The following LRFN5 variants were observed in gnomAD, a reference collection of about 807,000 sequenced individuals.
The protein encoded by LRFN5 is leucine rich repeat and fibronectin type III domain containing 5.
In LRFN5, 24 loss-of-function variants were observed where a neutral mutation model predicts 45.6. The ratio of observed to expected loss-of-function variants is 0.53; its 90% CI spans 0.38 to 0.74. The LOEUF is 0.74. LRFN5 is among the 30% of genes least tolerant of loss of function. LRFN5 has a pLI of 0.00. For missense variants in LRFN5, 776 were observed against 861.5 expected (o/e 0.90, Z 1.24); for synonymous variants, 340 against 313.8 (o/e 1.08, Z -0.88).
intron 1 of LRFN5, among the ~76,000 whole-genome samples, chr14:41,725,539 C>T (rs1381436915): frequency 6.9e-6 from 1 of 144,468 alleles, no homozygotes; most frequent in Non-Finnish European, 1.6e-5. Context: ...AGAAGTCATT[C>T]TTAATTCCAT....
intron 2 of LRFN5, among the ~76,000 whole-genome samples, chr14:41,883,682 T>G (rs1407323342): frequency 6.6e-6 from 1 of 152,240 alleles, no homozygotes; most frequent in African/African-American, 2.4e-5. Flanking sequence ...GCAGTTACTT[T>G]TATTTTGTTT....
At chr14:41,720,960 A>C (rs1020296912) in intron 1 of LRFN5, among the ~76,000 whole-genome samples, 1 of 152,068 alleles carries the variant, frequency 6.6e-6, no homozygotes, top group Non-Finnish European at 1.5e-5. Flanking sequence ...TCAATGGTCT[A>C]TCTAATGTTG....
chr14:41,772,285 A>G (rs925369622), intron 2 of LRFN5, among the ~76,000 whole-genome samples: 2 of 152,222 alleles, frequency 1.3e-5, no homozygotes, highest in African/African-American at 4.8e-5. Flanking sequence ...ACGTTGCAAC[A>G]TAAGTTTTAA....
chr14:41,856,678 T>TTATTTTTTA (rs1566486504), intron 2 of LRFN5, among the ~76,000 whole-genome samples: 1 of 3,754 alleles, frequency 2.7e-4, no homozygotes, highest in East Asian at 0.014. Flanking sequence ...TATTATTATT[T>TTATTTTTTA]TTTTTTTTTT....
At chr14:41,707,477 T>C (rs973558740) in intron 1 of LRFN5, among the ~76,000 whole-genome samples, 2 of 152,194 alleles carry the variant, frequency 1.3e-5, no homozygotes, top group Non-Finnish European at 2.9e-5. Flanking sequence ...TGAAAGGATT[T>C]AAATTAGATT....
At chr14:41,895,997 C>G (rs1403999946) in intron 4 of LRFN5, among the ~76,000 whole-genome samples, 1 of 152,008 alleles carries the variant, frequency 6.6e-6, no homozygotes, top group Non-Finnish European at 1.5e-5. Context: ...ATTTAAACTA[C>G]TTGCATCCAA....
chr14:41,741,189 T>A (rs1178061414), intron 1 of LRFN5, among the ~76,000 whole-genome samples: 1 of 151,378 alleles, frequency 6.6e-6, no homozygotes, highest in East Asian at 1.9e-4. Context: ...AGAATTCCAA[T>A]TTGTTTTTCA....
intron 1 of LRFN5, among the ~76,000 whole-genome samples, chr14:41,760,531 G>A (rs913313446): frequency 2.6e-5 from 4 of 152,174 alleles, no homozygotes; most frequent in African/African-American, 9.7e-5. Flanking sequence ...GAATCAGAAC[G>A]CTAAAGAGAG....
At chr14:41,649,753 G>A (rs1190359560) in intron 1 of LRFN5, among the ~76,000 whole-genome samples, 1 of 152,034 alleles carries the variant, frequency 6.6e-6, no homozygotes, top group African/African-American at 2.4e-5. Context: ...CCTTACCCCT[G>A]ACGTTTCCTC....
At chr14:41,656,742 A>G (rs1880399374) in intron 1 of LRFN5, among the ~76,000 whole-genome samples, 1 of 151,888 alleles carries the variant, frequency 6.6e-6, no homozygotes, top group South Asian at 2.1e-4. Context: ...TTTCCTTTAT[A>G]GGGGAGGAAG....
intron 2 of LRFN5, among the ~76,000 whole-genome samples, chr14:41,800,643 T>G (rs1043664900): frequency 4.0e-5 from 6 of 151,816 alleles, no homozygotes; most frequent in African/African-American, 1.2e-4. Flanking sequence ...CTAAAGTCTA[T>G]AATTCCTAAC....
chr14:41,713,667 C>G (rs920050751), intron 1 of LRFN5, among the ~76,000 whole-genome samples: 16 of 151,954 alleles, frequency 1.1e-4, no homozygotes, highest in African/African-American at 3.6e-4. Context: ...AAATTAAGAA[C>G]GAAGTGAGAT....
At chr14:41,698,342 G>A (rs150056771) in intron 1 of LRFN5, among the ~76,000 whole-genome samples, 15 of 152,096 alleles carry the variant, frequency 9.9e-5, no homozygotes, top group African/African-American at 3.4e-4. Context: ...GAAAATTTAG[G>A]CACTGCTCCA....
intron 1 of LRFN5, among the ~76,000 whole-genome samples, chr14:41,753,974 G>A (rs542267418): frequency 2.6e-5 from 4 of 152,108 alleles, no homozygotes; most frequent in Non-Finnish European, 5.9e-5. Flanking sequence ...TTAGCATGAA[G>A]GGCTGTTGAA....
At position 41,805,559 on chromosome 14, in the gene LRFN5, C is replaced by A. The variant is rs892218115; in HGVS notation, c.-21+38530C>A. Among the ~76,000 whole-genome samples the A allele has an allele frequency of 4.1e-5, 6 of 147,314 alleles. No homozygotes were observed. In the South Asian group the frequency reaches 6.6e-4, roughly 16 times the overall value. ...CTCCCAATGCTATCCCTCCACCCCC[C>A]CCACCCCACAGCAGTACCCAGAGTG... On this transcript the variant is annotated intron_variant, in intron 2 of 5. Coordinates refer to ENST00000298119, the MANE Select transcript of LRFN5 (RefSeq NM_152447.5).
At chr14:41,692,212 G>A (rs556354504) in intron 1 of LRFN5, among the ~76,000 whole-genome samples, 2 of 151,922 alleles carry the variant, frequency 1.3e-5, no homozygotes, top group African/African-American at 4.8e-5. Flanking sequence ...AGTGTTATTT[G>A]CTCCACATCA....
chr14:41,639,932 G>A (rs936073360), intron 1 of LRFN5, among the ~76,000 whole-genome samples: 7 of 143,524 alleles, frequency 4.9e-5, no homozygotes, highest in African/African-American at 1.8e-4. Context: ...ACAGATGGAT[G>A]CCAACATGAC....
intron 1 of LRFN5, among the ~76,000 whole-genome samples, chr14:41,659,792 C>G (rs1034152941): frequency 1.3e-5 from 2 of 151,944 alleles, no homozygotes. Context: ...TTGCATTTCT[C>G]TAATGGCCAA....
At chr14:41,641,566 A>G (rs1016254496) in intron 1 of LRFN5, among the ~76,000 whole-genome samples, 3 of 152,102 alleles carry the variant, frequency 2.0e-5, no homozygotes, top group Non-Finnish European at 4.4e-5. Flanking sequence ...TGGCTTTTCT[A>G]TACTTTTCTA....
Sources: allele counts gnomAD v4.1 joint callset (sites outside exome capture counted in the v4.1 genomes callset), GRCh38; gene constraint gnomAD v4.1.1; transcripts MANE v1.5; gene names NCBI Gene and HGNC (gene_info 2026-07-23, HGNC 2026-07-21).